PPP1R21: variants seen among roughly 807,000 people sequenced by gnomAD.
PPP1R21 encodes the protein KLRAQ motif containing 1.
In PPP1R21, 85 loss-of-function variants were observed where a neutral mutation model predicts 112.8. The observed-to-expected ratio is 0.75, with a 90% CI of 0.63 to 0.90. The LOEUF is 0.90. Ranked by LOEUF, PPP1R21 falls within the 40% of genes least tolerant of loss-of-function variation. The pLI, the probability that PPP1R21 is intolerant of heterozygous loss-of-function variation, is 0.00. For synonymous variants in PPP1R21, 381 were observed against 322.3 expected (o/e 1.18, Z -1.95); for missense variants, 1,199 against 901.5 (o/e 1.33, Z -4.23).
chr2:48,490,234 AAAAAAG>A (rs1049582346), intron 14 of PPP1R21, among the ~76,000 whole-genome samples: 11 of 145,472 alleles, frequency 7.6e-5, no homozygotes, highest in African/African-American at 2.0e-4. Context: ...AAAAAAAAAA[AAAAAAG>A]AAAGAAAAGA....
At chr2:48,506,266 G>A (rs1670369182) in intron 18 of PPP1R21, among the ~76,000 whole-genome samples, 1 of 152,132 alleles carries the variant, frequency 6.6e-6, no homozygotes. Flanking sequence ...GCTAATTTTT[G>A]TACTTCTAGT....
chr2:48,454,676 G>T lies in PPP1R21; in HGVS notation c.208G>T (p.Ala70Ser), dbSNP rs777585142. 24 of 1,614,000 alleles carry T rather than the reference G, an allele frequency of 1.5e-5. No individual in the cohort carries two copies. Among genetic ancestry groups the T allele is most frequent in the Non-Finnish European group, 1.9e-5 (23 of 1,179,992 alleles). The change falls in exon 3 of 22, where the codon GCC (alanine) becomes TCC (serine). Residue 70 changes from alanine to serine, a missense_variant. Coordinates refer to ENST00000294952, the MANE Select transcript of PPP1R21 (RefSeq NM_001135629.3). ...TTTGACATTTCGAAATCTGCAGCTTGCCAAGAGGGTAGAACTACTTCAAGA... is the reference window on the plus strand; with the variant it reads ...TTTGACATTTCGAAATCTGCAGCTTTCCAAGAGGGTAGAACTACTTCAAGA... ...DSLTFRNLQL[A>S]KRVELLQDEL...
intron 13 of PPP1R21, 62 bp from the exon 14 acceptor site, chr2:48,486,569 T>C: frequency 7.9e-7 from 1 of 1,265,930 alleles, no homozygotes; most frequent in Non-Finnish European, 1.1e-6. Flanking sequence ...GTGAATGGGC[T>C]GGTTATCTGT....
chr2:48,506,944 CAAAA>C (rs11314362), intron 18 of PPP1R21, among the ~76,000 whole-genome samples: 10 of 96,430 alleles, frequency 1.0e-4, no homozygotes, highest in East Asian at 3.5e-4. Context: ...GACTCTGCCT[CAAAA>C]AAAAAAAAAA....
intron 19 of PPP1R21, among the ~76,000 whole-genome samples, chr2:48,509,113 C>T (rs1186872079): frequency 1.3e-5 from 2 of 151,278 alleles, no homozygotes; most frequent in African/African-American, 4.9e-5. Flanking sequence ...TTTCTTTTAT[C>T]GTTTTGATCT....
At chr2:48,503,888 G>A (rs1469194508) in intron 17 of PPP1R21, among the ~76,000 whole-genome samples, 1 of 151,592 alleles carries the variant, frequency 6.6e-6, no homozygotes, top group African/African-American at 2.4e-5. Context: ...AGGAGGCGGA[G>A]GTTGCAGTGA....
intron 16 of PPP1R21, among the ~76,000 whole-genome samples, chr2:48,496,721 C>A (rs537386706): frequency 2.0e-4 from 30 of 152,298 alleles, no homozygotes; most frequent in African/African-American, 6.5e-4. Context: ...CCTGCCTTGG[C>A]CTCCCAAAGT....
At chr2:48,457,945 A>G in intron 3 of PPP1R21, 181 bp from the exon 4 acceptor site, 2 of 568,284 alleles carry the variant, frequency 3.5e-6, no homozygotes, top group Non-Finnish European at 6.8e-6. Context: ...CAATATTTGC[A>G]GTTTCAACTT....
intron 12 of PPP1R21, among the ~76,000 whole-genome samples, chr2:48,477,011 C>G (rs1286209053): frequency 4.0e-5 from 6 of 151,540 alleles, no homozygotes; most frequent in African/African-American, 7.3e-5. Context: ...ATCTAAGAAT[C>G]TGCTGTCAAA....
chr2:48,502,098 A>G (rs989748088), intron 17 of PPP1R21: 1 of 152,192 alleles, frequency 6.6e-6, no homozygotes, highest in Non-Finnish European at 1.5e-5. Context: ...AACATTTTCA[A>G]TGGAAAACGC....
At chr2:48,480,107 A>G in intron 13 of PPP1R21, 91 bp downstream of exon 13, 2 of 867,290 alleles carry the variant, frequency 2.3e-6, no homozygotes, top group East Asian at 2.4e-5. Context: ...TGCCAAGGGT[A>G]ATAGACCCCA....
chr2:48,470,513 C>T (rs1668450711), intron 9 of PPP1R21, among the ~76,000 whole-genome samples: 1 of 139,490 alleles, frequency 7.2e-6, no homozygotes, highest in Admixed American at 7.3e-5. Context: ...GAGTGAAACT[C>T]TGTCTCAAAA....
chr2:48,449,761 G>A (rs1667396276), intron 1 of PPP1R21, among the ~76,000 whole-genome samples: 1 of 151,504 alleles, frequency 6.6e-6, no homozygotes, highest in Admixed American at 6.6e-5. Flanking sequence ...TTTAGAAATA[G>A]ATTTTTTTTT....
rs1333345257 is a variant in PPP1R21, at chr2:48,515,286, G to C, written c.*542G>C. The C allele has an allele frequency of 6.9e-6, 1 of 145,648 alleles. No homozygotes were observed. Among genetic ancestry groups the C allele is most frequent in the Admixed American group, 7.0e-5 (1 of 14,196 alleles). The allele number at this position is 145,648 out of a possible 1,614,324, so 9.0% of individuals were successfully genotyped here. On this transcript the variant is annotated 3_prime_UTR_variant, in exon 22 of 22. Transcript: ENST00000294952. ...GGGAGAGGGAGCCCTCCAAACTTCA[G>C]ATCCTGTGGGTTTAGTATCATTATC...
At chr2:48,453,026 T>C (rs1314317757) in intron 2 of PPP1R21, among the ~76,000 whole-genome samples, 1 of 151,794 alleles carries the variant, frequency 6.6e-6, no homozygotes, top group African/African-American at 2.4e-5. Flanking sequence ...CAATCTCGGC[T>C]TACTGCAACC....
chr2:48,461,296 TTAAAG>T lies in PPP1R21; in HGVS notation c.694+68_694+72del, dbSNP rs1207650324. ...GAATCTCTCTGTGGTAGCCAACTAA[TTAAAG>T]TAATTTTTAATCTTTTGGGCAAAAA... On this transcript the variant is annotated intron_variant, in intron 7 of 21. Coordinates refer to ENST00000294952, the MANE Select transcript of PPP1R21 (RefSeq NM_001135629.3). The T allele has an allele frequency of 3.5e-6, 5 of 1,430,342 alleles. No homozygotes were observed. The African/African-American group carries it at 4.5e-5, about 13-fold the overall frequency. The allele number at this position is 1,430,342 out of a possible 1,614,324, so 88.6% of individuals were successfully genotyped here. A position where few individuals can be genotyped will look rare whatever the true frequency, so the allele number is the denominator to read the frequency against.
chr2:48,484,687 T>C (rs746388389), intron 13 of PPP1R21, among the ~76,000 whole-genome samples: 12 of 152,132 alleles, frequency 7.9e-5, no homozygotes, highest in Non-Finnish European at 1.6e-4. Context: ...CAGCAATTTT[T>C]GTATTTTTAG....
chr2:48,471,244 G>A, intron 10 of PPP1R21, 35 bp from the exon 11 acceptor site: 2 of 1,609,020 alleles, frequency 1.2e-6, no homozygotes, highest in Non-Finnish European at 1.7e-6. Flanking sequence ...TTGTCCAGTA[G>A]CACTTTTAAC....
At chr2:48,493,888 A>T (rs887170747) in intron 15 of PPP1R21, among the ~76,000 whole-genome samples, 7 of 151,758 alleles carry the variant, frequency 4.6e-5, no homozygotes, top group African/African-American at 1.7e-4. Context: ...ATGCTCCTTG[A>T]CTTATGATGG....
Sources: allele counts gnomAD v4.1 joint callset (sites outside exome capture counted in the v4.1 genomes callset), GRCh38; gene constraint gnomAD v4.1.1; transcripts MANE v1.5; gene names NCBI Gene and HGNC (gene_info 2026-07-23, HGNC 2026-07-21).